CLSTN2: variants seen among roughly 807,000 people sequenced by gnomAD.
CLSTN2 encodes the protein calsyntenin 2.
Under a neutral mutation model 101.2 loss-of-function variants are expected in CLSTN2, and 48 were observed. That is an observed-to-expected ratio of 0.47 (90% confidence interval 0.38 to 0.60). The LOEUF is 0.60. CLSTN2 is among the 20% of genes least tolerant of loss of function. CLSTN2 has a pLI of 0.00. For missense variants in CLSTN2, 1,160 were observed against 1,238.2 expected (o/e 0.94, Z 0.95); for synonymous variants, 481 against 463.6 (o/e 1.04, Z -0.48).
At chr3:140,386,397 G>A (rs1267174959) in intron 2 of CLSTN2, among the ~76,000 whole-genome samples, 1 of 152,212 alleles carries the variant, frequency 6.6e-6, no homozygotes, top group Non-Finnish European at 1.5e-5. Context: ...GGGAGTGGAT[G>A]GATAGGCAAT....
chr3:140,024,228 G>A (rs1344328055), intron 1 of CLSTN2, among the ~76,000 whole-genome samples: 1 of 152,164 alleles, frequency 6.6e-6, no homozygotes, highest in Non-Finnish European at 1.5e-5. Context: ...GCTGCTTCAT[G>A]GTTATGACTA....
At chr3:140,554,051 C>T (rs1935755761) in intron 10 of CLSTN2, among the ~76,000 whole-genome samples, 1 of 152,172 alleles carries the variant, frequency 6.6e-6, no homozygotes, top group Admixed American at 6.5e-5. Context: ...GGATAAGAGG[C>T]AGAGTCCCTG....
intron 2 of CLSTN2, among the ~76,000 whole-genome samples, chr3:140,332,296 T>C (rs551278374): frequency 1.3e-4 from 20 of 152,264 alleles, no homozygotes; most frequent in Middle Eastern, 3.4e-3. Context: ...TTAATGTTCT[T>C]GCGTTATCAA....
chr3:140,253,712 T>C (rs62267960), intron 2 of CLSTN2, among the ~76,000 whole-genome samples: 1 of 152,014 alleles, frequency 6.6e-6, no homozygotes, highest in Non-Finnish European at 1.5e-5. Context: ...TTAATTATAA[T>C]GAGATAGAAA....
At chr3:140,259,989 G>A (rs894575256) in intron 2 of CLSTN2, among the ~76,000 whole-genome samples, 5 of 151,912 alleles carry the variant, frequency 3.3e-5, no homozygotes, top group Admixed American at 2.0e-4. Flanking sequence ...GGTGGGAAGA[G>A]GATGAGGGTT....
At position 140,155,647 on chromosome 3, in the gene CLSTN2, A is replaced by G. The variant is rs548670500; in HGVS notation, c.110-20304A>G. Among the ~76,000 whole-genome samples, 5 of 152,300 alleles carry G rather than the reference A, an allele frequency of 3.3e-5. No individual in the cohort carries two copies. The South Asian group carries it at 1.0e-3, about 32-fold the overall frequency. ...GGTCTAGGTTATTCTGAGTATGCCC[A>G]TGATCCTGTTTGCTTGGTGCATTGG... On this transcript the variant is annotated intron_variant, in intron 1 of 16. Coordinates refer to ENST00000458420, the MANE Select transcript of CLSTN2 (RefSeq NM_022131.3).
intron 1 of CLSTN2, among the ~76,000 whole-genome samples, chr3:139,937,552 C>A (rs1011249653): frequency 1.8e-4 from 25 of 137,806 alleles, no homozygotes; most frequent in Non-Finnish European, 3.1e-5. Flanking sequence ...GCCTGACCAA[C>A]ATGGAGAAAC....
At chr3:140,317,987 A>T (rs1303370516) in intron 2 of CLSTN2, among the ~76,000 whole-genome samples, 1 of 152,218 alleles carries the variant, frequency 6.6e-6, no homozygotes, top group East Asian at 1.9e-4. Flanking sequence ...CATTCATTAC[A>T]TTGTGAGCCA....
intron 1 of CLSTN2, among the ~76,000 whole-genome samples, chr3:139,957,470 A>G (rs1034538379): frequency 2.6e-5 from 4 of 151,978 alleles, no homozygotes; most frequent in African/African-American, 9.7e-5. Context: ...TATGCCTCAA[A>G]TAGAGTTTAT....
chr3:140,194,062 T>C (rs2010610094), intron 2 of CLSTN2, among the ~76,000 whole-genome samples: 1 of 152,222 alleles, frequency 6.6e-6, no homozygotes, highest in Non-Finnish European at 1.5e-5. Context: ...GTGTTTAGAA[T>C]TGACCATACA....
intron 2 of CLSTN2, among the ~76,000 whole-genome samples, chr3:140,258,118 AT>A (rs2086619161): frequency 6.6e-6 from 1 of 152,044 alleles, no homozygotes; most frequent in Non-Finnish European, 1.5e-5. Flanking sequence ...GCTTAATGGC[AT>A]TTTTAATTTT....
intron 2 of CLSTN2, among the ~76,000 whole-genome samples, chr3:140,275,439 AATT>A (rs563400047): frequency 4.0e-4 from 61 of 151,872 alleles, no homozygotes; most frequent in African/African-American, 1.3e-3. Context: ...CAGCTTTTAA[AATT>A]ATTATTATTT....
chr3:140,499,891 C>T (rs907913228), intron 8 of CLSTN2, among the ~76,000 whole-genome samples: 8 of 151,962 alleles, frequency 5.3e-5, no homozygotes, highest in East Asian at 1.9e-4. Flanking sequence ...GGTGAAACCC[C>T]GTCTCTACTA....
rs2086995405 is a variant in CLSTN2 at position 140,295,640 on chromosome 3, T to C, written c.233-107989T>C. Among the ~76,000 whole-genome samples, 3 of 152,210 alleles carry C rather than the reference T, an allele frequency of 2.0e-5. No individual in the cohort carries two copies. In the South Asian group the frequency reaches 6.2e-4, roughly 32 times the overall value. ...AGTATGATGCCAGTTATTTAAAATA[T>C]GCAAATATGTAAAACAACATATATC... On this transcript the variant is annotated intron_variant, in intron 2 of 16. Coordinates refer to ENST00000458420, the MANE Select transcript of CLSTN2 (RefSeq NM_022131.3).
intron 1 of CLSTN2, among the ~76,000 whole-genome samples, chr3:140,066,745 A>T (rs1413295898): frequency 6.6e-6 from 1 of 152,190 alleles, no homozygotes; most frequent in Non-Finnish European, 1.5e-5. Flanking sequence ...TAACCTCCAG[A>T]TCCCATTCTA....
intron 2 of CLSTN2, among the ~76,000 whole-genome samples, chr3:140,241,904 C>CACACACACACACAT (rs1334638482): frequency 6.8e-6 from 1 of 147,380 alleles, no homozygotes; most frequent in African/African-American, 2.5e-5. Context: ...CACACACACA[C>CACACACACACACAT]ATATATATAT....
At chr3:140,183,398 T>A (rs1003066794) in intron 2 of CLSTN2, among the ~76,000 whole-genome samples, 18 of 152,148 alleles carry the variant, frequency 1.2e-4, no homozygotes, top group African/African-American at 4.3e-4. Context: ...ACAGGAGACA[T>A]GTGGAGTTTC....
chr3:140,557,716 T>G (rs1370509250), intron 11 of CLSTN2, among the ~76,000 whole-genome samples: 9 of 152,116 alleles, frequency 5.9e-5, no homozygotes. Context: ...CCAAGGCATG[T>G]AAGGTGATGG....
At chr3:139,959,395 T>G (rs1935464318) in intron 1 of CLSTN2, among the ~76,000 whole-genome samples, 1 of 152,194 alleles carries the variant, frequency 6.6e-6, no homozygotes, top group African/African-American at 2.4e-5. Context: ...CTTAGTTAAA[T>G]CTTGACTGTT....
Sources: gnomAD v4.1 joint callset for allele counts (sites outside exome capture counted in the v4.1 genomes callset) on GRCh38, gnomAD v4.1.1 for gene constraint, MANE v1.5 for transcripts, NCBI Gene and HGNC (gene_info 2026-07-23, HGNC 2026-07-21) for gene names.